The following ICE1 variants were observed in gnomAD, a reference collection of about 807,000 sequenced individuals.
ICE1 encodes the protein interactor of little elongation complex ELL subunit 1.
Under a neutral mutation model 192.7 loss-of-function variants are expected in ICE1, and 64 were observed. The ratio of observed to expected loss-of-function variants is 0.33; its 90% CI spans 0.27 to 0.41. The LOEUF is 0.41. ICE1 is among the 10% of genes least tolerant of loss of function. The probability of loss-of-function intolerance (pLI) is 1.00; values close to 1 mark genes in which losing one functional copy is unlikely to be tolerated. For synonymous variants in ICE1, 1,010 were observed against 984.5 expected, an observed-to-expected ratio of 1.03 and a Z score of -0.49; for missense variants, 2,708 against 2,696.0, an observed-to-expected ratio of 1.00 and a Z score of -0.10.
Position 5,463,485 on chromosome 5 carries a change from A to G in ICE1, c.4151A>G (p.Gln1384Arg), listed in dbSNP as rs1332420108. ...SDSVMEPSIE[Q>R]SSNCEAETTF... ...TCTGTGATGGAGCCATCCATAGAGC[A>G]AAGTTCTAACTGCGAGGCCGAAACA... Residue 1384 changes from glutamine to arginine, a missense_variant, in exon 13 of 19, where the codon CAA becomes CGA. Physicochemically the swap from Gln to Arg is conservative, Grantham distance 43. Coordinates refer to ENST00000296564, the MANE Select transcript of ICE1 (RefSeq NM_015325.3). 6.2e-7 allele frequency: 1 copy of G among 1,613,192 alleles called. No individual in the cohort carries two copies. Among genetic ancestry groups the G allele is most frequent in the Non-Finnish European group, 8.5e-7 (1 of 1,179,494 alleles).
At chr5:5,438,024 C>T (rs1383339812) in intron 3 of ICE1, among the ~76,000 whole-genome samples, 1 of 152,146 alleles carries the variant, frequency 6.6e-6, no homozygotes, top group East Asian at 1.9e-4. Context: ...TAAAGGACTA[C>T]CCGAGACTGG....
At chr5:5,439,994 T>C in intron 4 of ICE1, 81 bp downstream of exon 4, 1 of 978,366 alleles carries the variant, frequency 1.0e-6, no homozygotes. Flanking sequence ...GAGCAGATTT[T>C]TAAGCAGCTT....
Position 5,461,943 on chromosome 5 carries a change from T to C in ICE1, c.2609T>C (p.Val870Ala). The C allele has an allele frequency of 6.2e-7, 1 of 1,613,882 alleles. No individual in the cohort carries two copies. The highest frequency in any genetic ancestry group is 8.5e-7 in the Non-Finnish European group (1 of 1,179,888). Reference protein sequence around the residue: ...VITKQTRPEKVQSAKLEHLRP... With the variant: ...VITKQTRPEKAQSAKLEHLRP... Reference sequence around the variant, plus strand: ...ACAAAACAGACAAGACCTGAAAAGGTTCAGAGTGCCAAATTGGAACACTTG... The same window carrying C: ...ACAAAACAGACAAGACCTGAAAAGGCTCAGAGTGCCAAATTGGAACACTTG... The change falls in exon 13 of 19, where the codon GTT becomes GCT. Residue 870 changes from valine to alanine, a missense_variant. By Grantham distance (64) the Val-to-Ala change is moderately conservative. This residue lies in a region of ICE1 where 2,366 missense variants were observed against 2,276.6 expected (regional missense o/e 1.04). Transcript: ENST00000296564.
intron 17 of ICE1, among the ~76,000 whole-genome samples, chr5:5,485,168 C>A (rs1260032117): frequency 6.6e-6 from 1 of 151,992 alleles, no homozygotes; most frequent in Admixed American, 6.6e-5. Context: ...TTTTGTTACT[C>A]CAGGTTACAT....
chr5:5,486,934 A>AT lies in ICE1; in HGVS notation c.6619+117dup, dbSNP rs1349161497. The AT allele has an allele frequency of 8.0e-6, 5 of 623,372 alleles. No homozygotes were observed. The East Asian group carries it at 1.5e-4, about 18-fold the overall frequency. 38.6% of individuals were successfully genotyped at this position (623,372 alleles called of 1,614,324 possible). On this transcript the variant is annotated intron_variant, in intron 18 of 18. Transcript: ENST00000296564. ...CTGTGCTTTGCTTGCTGCCTCATAGATTAGGGAATATTTGCAAAACATTCC... is the reference window on the plus strand; with the variant it reads ...CTGTGCTTTGCTTGCTGCCTCATAGATTTAGGGAATATTTGCAAAACATTCC...
intron 17 of ICE1, among the ~76,000 whole-genome samples, chr5:5,478,558 A>G (rs566591957): frequency 2.6e-5 from 4 of 152,360 alleles, no homozygotes; most frequent in South Asian, 4.1e-4. Flanking sequence ...TGCTATTTCC[A>G]TCAAGCTACC....
chr5:5,447,709 T>C lies in ICE1; in HGVS notation c.508-12T>C, dbSNP rs1200814391. The C allele has an allele frequency of 1.3e-6, 2 of 1,568,842 alleles. No homozygotes were observed. Among genetic ancestry groups the C allele is most frequent in the Non-Finnish European group, 1.7e-6 (2 of 1,152,996 alleles). On this transcript the variant is annotated splice_polypyrimidine_tract_variant and intron_variant, in intron 8 of 18. Coordinates refer to ENST00000296564, the MANE Select transcript of ICE1 (RefSeq NM_015325.3). ...ATTCAGCATAAACACTATTAATATT[T>C]TGTTTTCACAGGAAAGGCTTGACGA...
chr5:5,477,013 C>T (rs1739333516), intron 17 of ICE1, among the ~76,000 whole-genome samples: 1 of 152,112 alleles, frequency 6.6e-6, no homozygotes, highest in Admixed American at 6.5e-5. Flanking sequence ...TGCTACAAAT[C>T]GTTAGTTTTT....
At chr5:5,450,059 T>A (rs1738367716) in intron 10 of ICE1, among the ~76,000 whole-genome samples, 1 of 152,218 alleles carries the variant, frequency 6.6e-6, no homozygotes. Flanking sequence ...GCCAAAGATG[T>A]TCTGCCTAAA....
chr5:5,462,217 T>C lies in ICE1; in HGVS notation c.2883T>C (p.Pro961=), dbSNP rs1738813818. The C allele has an allele frequency of 6.2e-7, 1 of 1,610,296 alleles. No individual in the cohort carries two copies. The highest frequency in any genetic ancestry group is 8.5e-7 in the Non-Finnish European group (1 of 1,177,816). Residue 961 remains proline, a synonymous_variant, in exon 13 of 19, where the codon CCT becomes CCC. Transcript: ENST00000296564. ...CSTNSRLSFS[P]ENILIQNQDI... is the part of the protein sequence containing the mutation. ...CAAATAGCAGATTATCTTTCTCTCC[T>C]GAAAATATCCTCATCCAAAACCAAG...
Position 5,463,723 on chromosome 5 carries a change from A to T in ICE1, c.4389A>T (p.Pro1463=). 6.2e-7 allele frequency: 1 copy of T among 1,613,912 alleles called. No individual in the cohort carries two copies. Among genetic ancestry groups the T allele is most frequent in the South Asian group, 1.1e-5 (1 of 91,074 alleles). Residue 1463 remains proline (P), a synonymous_variant, in exon 13 of 19, where the codon CCA becomes CCT. Transcript: ENST00000296564. ...GAGAGCTGGAAGCTGGTTGCATCCC[A>T]GTGACTTCTGCTGAGAAGTCCCCAG... The part of the protein sequence containing the change: ...DQGELEAGCI[P]VTSAEKSPEA...
In ICE1 at chr5:5,461,061, C is replaced by T. The variant is rs745348137; in HGVS notation, c.1727C>T (p.Pro576Leu). Residue 576 changes from proline to leucine, a missense_variant, in exon 13 of 19, where the codon CCA (proline) becomes CTA (leucine). Transcript: ENST00000296564. ...WTRINEITSE[P>L]DRITVSGHFH... is the part of the protein sequence containing the mutation. ...CGAATTAATGAAATCACTTCTGAAC[C>T]AGACCGTATCACAGTTTCTGGCCAT... 1 of 1,614,040 alleles carries T rather than the reference C, an allele frequency of 6.2e-7. No homozygotes were observed. The highest frequency in any genetic ancestry group is 8.5e-7 in the Non-Finnish European group (1 of 1,179,902).
At chr5:5,442,340 G>A (rs115257588) in intron 5 of ICE1, among the ~76,000 whole-genome samples, 64 of 152,312 alleles carry the variant, frequency 4.2e-4, no homozygotes, top group African/African-American at 1.5e-3. Flanking sequence ...GTGGTGACAC[G>A]TAGCTGTCTG....
chr5:5,463,814 G>A lies in ICE1; in HGVS notation c.4480G>A (p.Glu1494Lys), dbSNP rs758972899. 1 of 1,613,998 alleles carries A rather than the reference G, an allele frequency of 6.2e-7. No individual in the cohort carries two copies. The highest frequency in any genetic ancestry group is 2.2e-5 in the East Asian group (1 of 44,868). The change falls in exon 13 of 19, where the codon GAG becomes AAG. Residue 1494 changes from glutamate (E) to lysine (K), a missense_variant. Glu to Lys is a moderately conservative substitution (Grantham distance 56). This residue lies in a region of ICE1 where 2,366 missense variants were observed against 2,276.6 expected (regional missense o/e 1.04). Transcript: ENST00000296564. Reference protein sequence around the residue: ...PCGNNLSCPQEDVSSSGQSTN... With the variant: ...PCGNNLSCPQKDVSSSGQSTN... ...TGGCAATAATCTTTCATGTCCCCAA[G>A]AGGATGTTTCAAGCAGTGGTCAGAG...
At chr5:5,443,022 G>T in intron 5 of ICE1, 146 bp from the exon 6 acceptor site, 1 of 519,712 alleles carries the variant, frequency 1.9e-6, no homozygotes. Context: ...TAAGAATCTG[G>T]TTACCTCTAT....
intron 17 of ICE1, among the ~76,000 whole-genome samples, chr5:5,484,215 A>G (rs1739577916): frequency 6.6e-6 from 1 of 152,240 alleles, no homozygotes; most frequent in Non-Finnish European, 1.5e-5. Context: ...CAAATCATCT[A>G]CTAGACTCAT....
rs1259525100 is a variant in ICE1 at position 5,489,757 on chromosome 5, TA to T, written c.*430del. On this transcript the variant is annotated 3_prime_UTR_variant, in exon 19 of 19. Transcript: ENST00000296564. ...GTTCCAATGAGTGACTAGGAAAAAATAAATTGGCAAAAACCTAGAGTTTTCT... is the reference window on the plus strand; with the variant it reads ...GTTCCAATGAGTGACTAGGAAAAAATAATTGGCAAAAACCTAGAGTTTTCT... 1 of 153,124 alleles carries T rather than the reference TA, an allele frequency of 6.5e-6. No homozygotes were observed. The highest frequency in any genetic ancestry group is 1.5e-5 in the Non-Finnish European group (1 of 68,754). 9.5% of individuals were successfully genotyped at this position (153,124 alleles called of 1,614,324 possible). A position where few individuals can be genotyped will look rare whatever the true frequency, so the allele number is the denominator to read the frequency against.
chr5:5,447,234 TAAAGAAAAAAG>T (rs1738255657), intron 7 of ICE1, among the ~76,000 whole-genome samples, 182 bp from the exon 8 acceptor site: 2 of 152,100 alleles, frequency 1.3e-5, no homozygotes, highest in African/African-American at 4.8e-5. Context: ...AAATGACAGT[TAAAGAAAAAAG>T]TACATTGCAT....
chr5:5,445,378 G>A (rs962357316), intron 7 of ICE1, among the ~76,000 whole-genome samples: 2 of 151,966 alleles, frequency 1.3e-5, no homozygotes, highest in East Asian at 3.9e-4. Flanking sequence ...GGAGATAAGT[G>A]TCTATTGTAT....
Sources: gnomAD v4.1 joint callset for allele counts (sites outside exome capture counted in the v4.1 genomes callset) on GRCh38, gnomAD v4.1.1 for gene constraint, gnomAD v4.1.1 regional missense constraint, MANE v1.5 for transcripts, NCBI Gene and HGNC (gene_info 2026-07-23, HGNC 2026-07-21) for gene names.